SYNJ2: variants seen among roughly 807,000 people sequenced by gnomAD.
The protein encoded by SYNJ2 is polyphosphatidylinositol phosphatase SYNJ2.
SYNJ2 carries 116 observed loss-of-function variants against 141.3 expected under a neutral mutation model. The observed-to-expected ratio is 0.82, with a 90% CI of 0.71 to 0.96. The LOEUF is 0.96. SYNJ2 is among the 40% of genes least tolerant of loss of function. The pLI, the probability that SYNJ2 is intolerant of heterozygous loss-of-function variation, is 0.00. For synonymous variants in SYNJ2, 745 were observed against 777.7 expected, an observed-to-expected ratio of 0.96 and a Z score of 0.70; for missense variants, 1,873 against 1,934.8, an observed-to-expected ratio of 0.97 and a Z score of 0.60.
chr6:158,036,973 T>C (rs1779670095), intron 4 of SYNJ2, among the ~76,000 whole-genome samples: 1 of 152,208 alleles, frequency 6.6e-6, no homozygotes, highest in African/African-American at 2.4e-5. Flanking sequence ...TTTTAAGACT[T>C]GGGGTCTCAT....
Position 158,071,760 on chromosome 6 carries a change from A to C in SYNJ2, c.2099A>C (p.Tyr700Ser). ...CAGGTGAAGGAGCGGAATGAAGACT[A>C]CAAGGAGATCACCCAGAAACTCTGC... ...QSQVKERNED[Y>S]KEITQKLCFP... Residue 700 changes from tyrosine to serine, a missense_variant, in exon 15 of 27, where the codon TAC becomes TCC. Coordinates refer to ENST00000355585, the MANE Select transcript of SYNJ2 (RefSeq NM_003898.4). This position sits in a 1 kb window ranked among gnomAD's most constrained non-coding sequence, Gnocchi z 4.3. 1 of 1,613,840 alleles carries C rather than the reference A, an allele frequency of 6.2e-7. No individual in the cohort carries two copies. The highest frequency in any genetic ancestry group is 8.5e-7 in the Non-Finnish European group (1 of 1,180,022).
intron 23 of SYNJ2, among the ~76,000 whole-genome samples, 194 bp downstream of exon 23, chr6:158,087,183 C>T (rs888536610): frequency 6.6e-6 from 1 of 152,190 alleles, no homozygotes; most frequent in Non-Finnish European, 1.5e-5. Context: ...TTTCTCATGG[C>T]AAATGAAACA....
intron 1 of SYNJ2, chr6:158,001,790 C>T (rs918785002): frequency 6.6e-6 from 1 of 152,302 alleles, no homozygotes; most frequent in Non-Finnish European, 1.5e-5. Context: ...CTCCCAGTGA[C>T]CTTGACCCCT....
intron 11 of SYNJ2, among the ~76,000 whole-genome samples, chr6:158,066,024 AAGTTAT>A (rs1418010227): frequency 6.6e-6 from 1 of 152,192 alleles, no homozygotes; most frequent in Non-Finnish European, 1.5e-5. Flanking sequence ...AAGACACTTA[AAGTTAT>A]AGTGTATATG....
At chr6:157,994,251 A>G (rs1255751100) in intron 1 of SYNJ2, among the ~76,000 whole-genome samples, 1 of 152,194 alleles carries the variant, frequency 6.6e-6, no homozygotes, top group Admixed American at 6.5e-5. Flanking sequence ...AGAGGAGGTG[A>G]CCGTTCTCTG....
At chr6:158,093,855 G>A (rs1228605408) in intron 26 of SYNJ2, 1 of 763,580 alleles carries the variant, frequency 1.3e-6, no homozygotes, top group East Asian at 2.4e-5. Flanking sequence ...CCTACGAGAG[G>A]TTCCACAGCT....
At chr6:158,086,639 AT>A (rs1201997087) in intron 22 of SYNJ2, among the ~76,000 whole-genome samples, 1 of 152,168 alleles carries the variant, frequency 6.6e-6, no homozygotes, top group Non-Finnish European at 1.5e-5. Context: ...AGAAATACCC[AT>A]TATCCATGGT....
chr6:158,067,342 C>G (rs1234364544), intron 12 of SYNJ2: 1 of 813,746 alleles, frequency 1.2e-6, no homozygotes, highest in Non-Finnish European at 1.5e-6. Flanking sequence ...TGATATTGAC[C>G]AAGAACAGCT....
chr6:158,067,645 G>A, intron 12 of SYNJ2: 1 of 985,412 alleles, frequency 1.0e-6, no homozygotes, highest in Non-Finnish European at 1.2e-6. Flanking sequence ...CTGTGGTCTA[G>A]CTGACATGCA....
At chr6:158,042,433 A>G (rs1460756182) in intron 4 of SYNJ2, among the ~76,000 whole-genome samples, 1 of 152,170 alleles carries the variant, frequency 6.6e-6, no homozygotes, top group African/African-American at 2.4e-5. Context: ...CCTGTAAGGG[A>G]GCAGGCCGGT....
Position 158,070,887 on chromosome 6 carries a change from T to C in SYNJ2, c.1941-715T>C, listed in dbSNP as rs1781878458. ...AAACAGCTGCCCGTTTCCTAGCTCT[T>C]AAAGTGCATTGATTGCTGGGCACGG... On this transcript the variant is annotated intron_variant, in intron 14 of 26. Transcript: ENST00000355585. This position sits in a 1 kb window ranked among gnomAD's most constrained non-coding sequence, Gnocchi z 4.0. Among the ~76,000 whole-genome samples, 1 of 152,196 alleles carries C rather than the reference T, an allele frequency of 6.6e-6. No individual in the cohort carries two copies. Among genetic ancestry groups the C allele is most frequent in the African/African-American group, 2.4e-5 (1 of 41,446 alleles).
chr6:158,088,872 C>T (rs1328503318), intron 24 of SYNJ2, 100 bp downstream of exon 24: 2 of 821,588 alleles, frequency 2.4e-6, no homozygotes, highest in Admixed American at 2.1e-5. Flanking sequence ...TGTCTTTAAC[C>T]CTCTACCTGC....
intron 22 of SYNJ2, among the ~76,000 whole-genome samples, chr6:158,085,226 G>A (rs1293004603): frequency 2.6e-5 from 4 of 151,954 alleles, no homozygotes; most frequent in African/African-American, 9.7e-5. Flanking sequence ...TCACTATGTT[G>A]TCCAAGCTGG....
intron 6 of SYNJ2, among the ~76,000 whole-genome samples, chr6:158,056,873 C>A (rs139161485): frequency 1.3e-5 from 2 of 152,150 alleles, no homozygotes; most frequent in African/African-American, 4.8e-5. Flanking sequence ...TTAGCCGAGG[C>A]GGTCTCTTGT....
chr6:158,010,474 C>T (rs893553992), intron 1 of SYNJ2, among the ~76,000 whole-genome samples: 2 of 151,778 alleles, frequency 1.3e-5, no homozygotes, highest in South Asian at 4.2e-4. Flanking sequence ...TCAGAAGGGT[C>T]GGGGGAGGAC....
intron 4 of SYNJ2, among the ~76,000 whole-genome samples, chr6:158,033,979 T>G (rs1779510458): frequency 6.6e-6 from 1 of 152,194 alleles, no homozygotes; most frequent in Non-Finnish European, 1.5e-5. Flanking sequence ...AGGTGGGCAG[T>G]ATTCCAAGGG....
intron 25 of SYNJ2, among the ~76,000 whole-genome samples, chr6:158,092,609 T>C (rs1783534746): frequency 1.3e-5 from 2 of 152,094 alleles, no homozygotes; most frequent in South Asian, 4.1e-4. Flanking sequence ...ACTAAAAATT[T>C]TAAAAATTGG....
chr6:158,033,789 C>A (rs1779499784), intron 4 of SYNJ2, 109 bp downstream of exon 4: 2 of 1,140,812 alleles, frequency 1.8e-6, no homozygotes, highest in Admixed American at 2.3e-5. Context: ...TTGTGGTGGT[C>A]TCTGATCAGG....
chr6:158,020,159 T>C (rs1778682031), intron 2 of SYNJ2, among the ~76,000 whole-genome samples: 2 of 149,820 alleles, frequency 1.3e-5, no homozygotes, highest in South Asian at 4.3e-4. Context: ...TGACTCCATC[T>C]GTATGACTCC....
Sources: allele counts gnomAD v4.1 joint callset (sites outside exome capture counted in the v4.1 genomes callset), GRCh38; gene constraint gnomAD v4.1.1; non-coding constraint Gnocchi (gnomAD v3.1); transcripts MANE v1.5; gene names NCBI Gene and HGNC (gene_info 2026-07-23, HGNC 2026-07-21).